SEMA5A: variants seen among roughly 807,000 people sequenced by gnomAD.
SEMA5A encodes the protein semaphorin-5A.
Under a neutral mutation model 135.5 loss-of-function variants are expected in SEMA5A, and 55 were observed. The observed-to-expected ratio is 0.41, with a 90% confidence interval of 0.33 to 0.51. The LOEUF is 0.51. Ranked by LOEUF, SEMA5A falls within the 20% of genes least tolerant of loss-of-function variation. SEMA5A has a pLI of 0.37. For synonymous variants in SEMA5A, 580 were observed against 546.5 expected, an observed-to-expected ratio of 1.06 and a Z score of -0.85; for missense variants, 1,290 against 1,419.9, an observed-to-expected ratio of 0.91 and a Z score of 1.47.
intron 8 of SEMA5A, among the ~76,000 whole-genome samples, chr5:9,221,592 G>C (rs71611368): frequency 6.6e-6 from 1 of 152,066 alleles, no homozygotes. Context: ...GTGAGCCACC[G>C]CGCCTGGCCC....
chr5:9,169,119 T>C (rs2150302911), intron 11 of SEMA5A, among the ~76,000 whole-genome samples: 1 of 152,198 alleles, frequency 6.6e-6, no homozygotes, highest in East Asian at 1.9e-4. Context: ...CAGTTGAAAT[T>C]TGCCAAGAGA....
chr5:9,507,648 C>G (rs1735966121), intron 1 of SEMA5A, among the ~76,000 whole-genome samples: 1 of 152,094 alleles, frequency 6.6e-6, no homozygotes, highest in African/African-American at 2.4e-5. Context: ...AATGGTGACC[C>G]AGGCAGAACT....
chr5:9,130,782 T>C (rs1192305293), intron 13 of SEMA5A, among the ~76,000 whole-genome samples: 1 of 152,204 alleles, frequency 6.6e-6, no homozygotes, highest in Non-Finnish European at 1.5e-5. Flanking sequence ...CTGTTGGTGA[T>C]GACCGTGTCA....
rs1758511664 is a variant in SEMA5A at position 9,448,410 on chromosome 5, T to G, written c.-174-10558A>C. 2.0e-5 allele frequency among the ~76,000 whole-genome samples: 3 copies of G among 152,234 alleles called. No homozygotes were observed. The South Asian group carries it at 6.2e-4, about 31-fold the overall frequency. ...TTTACACTGACAGTGCTTAGGGCTATGCCTGACACATGGTAAACCCCTAGC... is the reference window on the plus strand; with the variant it reads ...TTTACACTGACAGTGCTTAGGGCTAGGCCTGACACATGGTAAACCCCTAGC... On this transcript the variant is annotated intron_variant, in intron 1 of 22. Coordinates refer to ENST00000382496, the MANE Select transcript of SEMA5A (RefSeq NM_003966.3).
At chr5:9,293,005 G>A (rs1010740832) in intron 5 of SEMA5A, among the ~76,000 whole-genome samples, 1 of 152,186 alleles carries the variant, frequency 6.6e-6, no homozygotes, top group Admixed American at 6.5e-5. Flanking sequence ...CGTGATCGAG[G>A]CGTTTCTTCT....
chr5:9,509,681 T>C (rs1394236079), intron 1 of SEMA5A, among the ~76,000 whole-genome samples: 2 of 152,218 alleles, frequency 1.3e-5, no homozygotes, highest in African/African-American at 4.8e-5. Flanking sequence ...ATCATTGTAA[T>C]ACTCTAAACT....
intron 16 of SEMA5A, among the ~76,000 whole-genome samples, chr5:9,090,483 A>G (rs905780733): frequency 2.0e-5 from 3 of 152,208 alleles, no homozygotes; most frequent in Non-Finnish European, 4.4e-5. Flanking sequence ...ATACAACTTA[A>G]AATGTTGAAA....
chr5:9,185,975 T>C (rs1248358637), intron 11 of SEMA5A, among the ~76,000 whole-genome samples: 3 of 152,068 alleles, frequency 2.0e-5, no homozygotes, highest in African/African-American at 7.2e-5. Context: ...TGTTTCCAAG[T>C]CAAGTAAGGG....
chr5:9,198,843 C>T (rs1420064049), intron 9 of SEMA5A, among the ~76,000 whole-genome samples: 1 of 152,112 alleles, frequency 6.6e-6, no homozygotes, highest in Non-Finnish European at 1.5e-5. Flanking sequence ...CACAGGATAT[C>T]CCATCCAGGC....
chr5:9,361,656 A>G (rs1754700714), intron 3 of SEMA5A, among the ~76,000 whole-genome samples: 1 of 152,172 alleles, frequency 6.6e-6, no homozygotes, highest in Non-Finnish European at 1.5e-5. Context: ...CATCCACATC[A>G]TGATCTTTTG....
intron 15 of SEMA5A, among the ~76,000 whole-genome samples, chr5:9,117,159 A>T (rs554546896): frequency 7.2e-5 from 11 of 152,334 alleles, no homozygotes; most frequent in African/African-American, 2.6e-4. Flanking sequence ...TTTATTGAAG[A>T]CACCGCTGTA....
chr5:9,457,645 A>G (rs925309838), intron 1 of SEMA5A, among the ~76,000 whole-genome samples: 27 of 152,224 alleles, frequency 1.8e-4, no homozygotes, highest in Non-Finnish European at 2.9e-5. Context: ...TAATTTCTTT[A>G]AGGCCCATTT....
chr5:9,210,540 T>C (rs1233105442), intron 8 of SEMA5A, among the ~76,000 whole-genome samples: 1 of 152,190 alleles, frequency 6.6e-6, no homozygotes, highest in South Asian at 2.1e-4. Flanking sequence ...AGCTCATGCA[T>C]GAAAATGTGG....
At chr5:9,107,299 C>G (rs1471063304) in intron 16 of SEMA5A, among the ~76,000 whole-genome samples, 1 of 151,938 alleles carries the variant, frequency 6.6e-6, no homozygotes, top group African/African-American at 2.4e-5. Context: ...TTGAAAAGAG[C>G]TTGTCCAAGA....
At chr5:9,517,804 C>T (rs1166238197) in intron 1 of SEMA5A, 1 of 152,142 alleles carries the variant, frequency 6.6e-6, no homozygotes, top group African/African-American at 2.4e-5. Flanking sequence ...AGCCGACCCT[C>T]TCCAGTCTGC....
chr5:9,478,657 C>T (rs1268687817), intron 1 of SEMA5A, among the ~76,000 whole-genome samples: 1 of 152,170 alleles, frequency 6.6e-6, no homozygotes, highest in Admixed American at 6.5e-5. Flanking sequence ...CAAGTTCTCC[C>T]TTTTGGAATG....
chr5:9,338,640 T>A (rs935169902), intron 3 of SEMA5A, among the ~76,000 whole-genome samples: 2 of 152,228 alleles, frequency 1.3e-5, no homozygotes, highest in African/African-American at 4.8e-5. Context: ...CAATTAACCA[T>A]AACATCTGAT....
At chr5:9,450,340 C>T (rs1310891997) in intron 1 of SEMA5A, among the ~76,000 whole-genome samples, 2 of 152,118 alleles carry the variant, frequency 1.3e-5, no homozygotes, top group Non-Finnish European at 2.9e-5. Context: ...ATGGATAATC[C>T]ACTTAGTAAG....
intron 2 of SEMA5A, among the ~76,000 whole-genome samples, chr5:9,398,792 T>C (rs1756519965): frequency 6.6e-6 from 1 of 152,246 alleles, no homozygotes; most frequent in Non-Finnish European, 1.5e-5. Flanking sequence ...TAAAGTATGA[T>C]TCGGCAAAGT....
Sources: allele counts gnomAD v4.1 joint callset (sites outside exome capture counted in the v4.1 genomes callset), GRCh38; gene constraint gnomAD v4.1.1; transcripts MANE v1.5; gene names NCBI Gene and HGNC (gene_info 2026-07-23, HGNC 2026-07-21).